CDC27: variants seen among roughly 807,000 people sequenced by gnomAD.
The protein encoded by CDC27 is cell division cycle 27, also known as cell division cycle protein 27 homolog.
In CDC27, 27 loss-of-function variants were observed where a neutral mutation model predicts 109.7. That is an observed-to-expected ratio of 0.25 (90% confidence interval 0.18 to 0.34). The LOEUF is 0.34. CDC27 is among the 10% of genes least tolerant of loss of function. The pLI, the probability that CDC27 is intolerant of heterozygous loss-of-function variation, is 1.00. For synonymous variants in CDC27, 266 were observed against 333.9 expected, an observed-to-expected ratio of 0.80 and a Z score of 2.22; for missense variants, 579 against 960.2, an observed-to-expected ratio of 0.60 and a Z score of 5.25.
chr17:47,184,699 C>T (rs983025766), intron 1 of CDC27, among the ~76,000 whole-genome samples: 1 of 152,206 alleles, frequency 6.6e-6, no homozygotes, highest in African/African-American at 2.4e-5. Context: ...ATCTCACATA[C>T]TGCTTCCATC....
At chr17:47,167,243 T>C (rs1045372137) in intron 4 of CDC27, among the ~76,000 whole-genome samples, 1 of 152,228 alleles carries the variant, frequency 6.6e-6, no homozygotes, top group African/African-American at 2.4e-5. Context: ...CTAATGCAAC[T>C]TTTTTCAACA....
intron 4 of CDC27, among the ~76,000 whole-genome samples, chr17:47,169,351 T>A (rs221605): frequency 0.61 from 92,365 of 151,640 alleles, 28,599 homozygotes; most frequent in Admixed American, 0.69. Context: ...CAAGGTAAAA[T>A]AAACTAACAT....
At chr17:47,149,339 C>G (rs376322023) in intron 9 of CDC27, among the ~76,000 whole-genome samples, 1 of 150,568 alleles carries the variant, frequency 6.6e-6, no homozygotes, top group East Asian at 2.0e-4. Flanking sequence ...GGTGAAACCC[C>G]GTTTCTACTA....
chr17:47,168,013 G>A (rs1055455379), intron 4 of CDC27, among the ~76,000 whole-genome samples: 1 of 152,216 alleles, frequency 6.6e-6, no homozygotes, highest in Non-Finnish European at 1.5e-5. Context: ...CGAGGCATGG[G>A]GAAAGAGAGG....
Position 47,148,058 on chromosome 17 carries a change from C to T in CDC27, c.1070+3748G>A, listed in dbSNP as rs555427720. ...ACTAAAAATACAAAAATTAGCAGGG[C>T]GCAGTGGCACATGCCTGTAATCCCA... On this transcript the variant is annotated intron_variant, in intron 9 of 18. Coordinates refer to ENST00000066544, the MANE Select transcript of CDC27 (RefSeq NM_001256.6). Among the ~76,000 whole-genome samples the T allele has an allele frequency of 1.1e-3, 168 of 148,638 alleles. 1 individual carries two copies. The highest frequency in any genetic ancestry group is 3.2e-3 in the South Asian group (15 of 4,652).
intron 14 of CDC27, among the ~76,000 whole-genome samples, chr17:47,133,062 TACACACAC>T (rs200816984): frequency 4.1e-5 from 3 of 73,708 alleles, no homozygotes; most frequent in East Asian, 3.9e-4. Context: ...CACATACATA[TACACACAC>T]ACACACACAC....
chr17:47,141,145 T>C (rs2148863180), intron 12 of CDC27, among the ~76,000 whole-genome samples: 1 of 152,294 alleles, frequency 6.6e-6, no homozygotes, highest in Non-Finnish European at 1.5e-5. Flanking sequence ...CACAGAGATA[T>C]ATATTGAATA....
intron 12 of CDC27, among the ~76,000 whole-genome samples, chr17:47,140,260 G>A (rs2062755102): frequency 6.6e-6 from 1 of 152,112 alleles, no homozygotes; most frequent in Non-Finnish European, 1.5e-5. Flanking sequence ...CCACAGGTGA[G>A]TGCCACCACA....
intron 2 of CDC27, among the ~76,000 whole-genome samples, chr17:47,173,347 G>A (rs1483001451): frequency 6.6e-6 from 1 of 150,704 alleles, no homozygotes; most frequent in African/African-American, 2.4e-5. Flanking sequence ...TTAATGAGAT[G>A]TATAGTAGTA....
intron 13 of CDC27, among the ~76,000 whole-genome samples, chr17:47,138,200 T>C (rs917165125): frequency 2.6e-5 from 4 of 152,194 alleles, no homozygotes; most frequent in Non-Finnish European, 5.9e-5. Flanking sequence ...AAACTCTCCA[T>C]CACTCCCAGG....
rs1027908780 is a variant in CDC27 at position 47,141,996 on chromosome 17, C to T, written c.1408G>A (p.Gly470Arg). ...EGLMSLLREM[G>R]KGYLALCSYN... is the part of the protein sequence containing the mutation. ...GAACACAAAGCTAAATAACCTTTCC[C>T]CATTTCACGAAGAAGGCTCATCAAA... Residue 470 changes from glycine (G) to arginine (R), a missense_variant, in exon 12 of 19, where the codon GGG becomes AGG. Coordinates refer to ENST00000066544, the MANE Select transcript of CDC27 (RefSeq NM_001256.6). The T allele has an allele frequency of 6.3e-7, 1 of 1,594,834 alleles. No individual in the cohort carries two copies. The highest frequency in any genetic ancestry group is 1.4e-5 in the African/African-American group (1 of 73,862).
Position 47,178,556 on chromosome 17 carries a change from A to G in CDC27, c.103+3006T>C, listed in dbSNP as rs992052048. The stretch of plus-strand genomic sequence containing the variant: ...ATAAATAAATAAATAAAAATAAGAA[A>G]AAAAAAAAAAAACCCTGAAAAGTCA... On this transcript the variant is annotated intron_variant, in intron 2 of 18. Transcript: ENST00000066544. 1.7e-3 allele frequency among the ~76,000 whole-genome samples: 41 copies of G among 24,634 alleles called. 1 individual carries two copies. Among genetic ancestry groups the G allele is most frequent in the Non-Finnish European group, 5.0e-3 (40 of 8,010 alleles). The allele number at this position is 24,634 out of a possible 152,430, so 16.2% of individuals were successfully genotyped here.
chr17:47,185,959 G>A (rs868720519), intron 1 of CDC27, among the ~76,000 whole-genome samples: 5 of 152,328 alleles, frequency 3.3e-5, no homozygotes, highest in Middle Eastern at 3.4e-3. Flanking sequence ...GGGTCATCCA[G>A]TGGTTAGAAG....
At chr17:47,131,591 T>TA (rs1484422280) in intron 15 of CDC27, among the ~76,000 whole-genome samples, 3 of 152,096 alleles carry the variant, frequency 2.0e-5, no homozygotes, top group Non-Finnish European at 4.4e-5. Context: ...GTACCGTACT[T>TA]ACACAGAAGC....
At chr17:47,121,312 T>TA (rs981613141) in intron 18 of CDC27, among the ~76,000 whole-genome samples, 152 of 146,136 alleles carry the variant, frequency 1.0e-3, no homozygotes, top group African/African-American at 1.3e-3. Flanking sequence ...TCTGAGACAT[T>TA]AAAAAAAAAA....
intron 4 of CDC27, among the ~76,000 whole-genome samples, chr17:47,167,064 T>C (rs921860417): frequency 1.3e-5 from 2 of 152,200 alleles, no homozygotes; most frequent in Non-Finnish European, 2.9e-5. Context: ...CATGTTGGCC[T>C]GGCTGGTCTC....
chr17:47,166,769 A>G (rs923820113), intron 4 of CDC27, among the ~76,000 whole-genome samples: 1 of 152,054 alleles, frequency 6.6e-6, no homozygotes, highest in Non-Finnish European at 1.5e-5. Context: ...ATAGTTTTTA[A>G]TATGTCATAT....
intron 2 of CDC27, among the ~76,000 whole-genome samples, chr17:47,173,574 CCAGT>C (rs1280098513): frequency 1.3e-5 from 2 of 152,096 alleles, no homozygotes; most frequent in African/African-American, 4.8e-5. Flanking sequence ...AATTTAACTC[CCAGT>C]CACAGTAATG....
intron 7 of CDC27, among the ~76,000 whole-genome samples, chr17:47,156,027 T>A (rs2063292875): frequency 6.6e-6 from 1 of 152,212 alleles, no homozygotes; most frequent in South Asian, 2.1e-4. Flanking sequence ...AGTGGTGCCC[T>A]GATTATAACA....
Sources: gnomAD v4.1 joint callset for allele counts (sites outside exome capture counted in the v4.1 genomes callset) on GRCh38, gnomAD v4.1.1 for gene constraint, MANE v1.5 for transcripts, NCBI Gene and HGNC (gene_info 2026-07-23, HGNC 2026-07-21) for gene names.